The following DNAJC1 variants were observed in gnomAD, a reference collection of about 807,000 sequenced individuals.
DNAJC1 encodes the protein DnaJ heat shock protein family (Hsp40) member C1, also known as dnaJ homolog subfamily C member 1.
Under a neutral mutation model 76.6 loss-of-function variants are expected in DNAJC1, and 58 were observed. The ratio of observed to expected loss-of-function variants is 0.76; its 90% CI spans 0.61 to 0.94. The LOEUF (loss-of-function observed/expected upper bound fraction) is 0.94, where lower values mean the gene tolerates loss of function less well. Among genes scored for constraint, DNAJC1 ranks in the 40% least tolerant of loss-of-function variants. DNAJC1 has a pLI of 0.00. For synonymous variants in DNAJC1, 258 were observed against 267.9 expected (o/e 0.96, Z 0.36); for missense variants, 689 against 677.3 (o/e 1.02, Z -0.19).
chr10:21,770,330 T>C lies in DNAJC1; in HGVS notation c.1099-4021A>G, dbSNP rs572469857. Among the ~76,000 whole-genome samples the C allele has an allele frequency of 4.6e-5, 7 of 152,222 alleles. No homozygotes were observed. The South Asian group carries it at 1.5e-3, about 32-fold the overall frequency. Reference sequence around the variant, plus strand: ...CTTGGAGGAATATCTATTCATATCCTGTATCCATTGCTTATGTGGGTCATT... The same window carrying C: ...CTTGGAGGAATATCTATTCATATCCCGTATCCATTGCTTATGTGGGTCATT... On this transcript the variant is annotated intron_variant, in intron 9 of 11. Transcript: ENST00000376980.
intron 8 of DNAJC1, among the ~76,000 whole-genome samples, chr10:21,828,370 C>T (rs1473119901): frequency 2.0e-5 from 3 of 152,100 alleles, no homozygotes; most frequent in African/African-American, 7.2e-5. Flanking sequence ...ATTTACAAGC[C>T]AGATATCCAG....
At chr10:21,795,621 C>T (rs941391916) in intron 9 of DNAJC1, among the ~76,000 whole-genome samples, 4 of 152,064 alleles carry the variant, frequency 2.6e-5, no homozygotes, top group African/African-American at 4.8e-5. Flanking sequence ...TGGATTGTGG[C>T]GATTTCACAA....
intron 9 of DNAJC1, among the ~76,000 whole-genome samples, chr10:21,788,247 C>T (rs1436644587): frequency 6.6e-6 from 1 of 152,254 alleles, no homozygotes; most frequent in Non-Finnish European, 1.5e-5. Context: ...TGCACTGCCT[C>T]CGCTGGAAAG....
chr10:21,758,052 G>T (rs1834196369), intron 11 of DNAJC1, among the ~76,000 whole-genome samples: 1 of 152,196 alleles, frequency 6.6e-6, no homozygotes, highest in Non-Finnish European at 1.5e-5. Flanking sequence ...GAGGCTGGGA[G>T]AATCTGCGCT....
At chr10:21,841,104 A>C (rs1375260728) in intron 8 of DNAJC1, among the ~76,000 whole-genome samples, 1 of 152,240 alleles carries the variant, frequency 6.6e-6, no homozygotes, top group Non-Finnish European at 1.5e-5. Flanking sequence ...ACATTAATTC[A>C]AGATGGATTA....
At chr10:21,934,511 G>A (rs1837280497) in intron 1 of DNAJC1, among the ~76,000 whole-genome samples, 1 of 152,066 alleles carries the variant, frequency 6.6e-6, no homozygotes, top group Admixed American at 6.5e-5. Flanking sequence ...CTCACCCAGA[G>A]CAACTTCCAC....
rs1169132227 is a variant in DNAJC1 at position 21,882,390 on chromosome 10, A to G, written c.870T>C (p.Pro290=). ...KPKPEFPVYT[P]LETTYIQSYD... is the part of the protein sequence containing the mutation. ...AAGACTGAATATATGTAGTTTCTAAAGGTGTGTATACAGGAAATTCAGGTT... is the reference window on the plus strand; with the variant it reads ...AAGACTGAATATATGTAGTTTCTAAGGGTGTGTATACAGGAAATTCAGGTT... The change falls in exon 8 of 12, where the codon CCT becomes CCC. Residue 290 remains proline (P), a synonymous_variant. Coordinates refer to ENST00000376980, the MANE Select transcript of DNAJC1 (RefSeq NM_022365.4). The G allele has an allele frequency of 3.2e-6, 5 of 1,577,554 alleles. No individual in the cohort carries two copies. Among genetic ancestry groups the G allele is most frequent in the Admixed American group, 1.9e-5 (1 of 52,136 alleles).
chr10:21,934,754 C>T (rs1326527241), intron 1 of DNAJC1, among the ~76,000 whole-genome samples: 1 of 152,188 alleles, frequency 6.6e-6, no homozygotes, highest in Non-Finnish European at 1.5e-5. Flanking sequence ...TATAAATACA[C>T]TGTGATATTC....
chr10:21,959,295 T>G lies in DNAJC1; in HGVS notation c.223-30154A>C, dbSNP rs1837746866. 2.0e-5 allele frequency among the ~76,000 whole-genome samples: 3 copies of G among 151,734 alleles called. No individual in the cohort carries two copies. The South Asian group carries it at 6.3e-4, about 32-fold the overall frequency. On this transcript the variant is annotated intron_variant, in intron 1 of 11. Transcript: ENST00000376980. ...GTCTGCCACCAGGCCCGGCTAATTT[T>G]TTTTGTATTTTTAATAGAGACGGGG... is the stretch of plus-strand genomic sequence containing the variant.
intron 8 of DNAJC1, among the ~76,000 whole-genome samples, chr10:21,854,974 T>C (rs1231385691): frequency 1.3e-5 from 2 of 152,092 alleles, no homozygotes; most frequent in African/African-American, 4.8e-5. Flanking sequence ...AAGATAACAT[T>C]AGAGAGTATT....
At chr10:21,830,957 A>C (rs1835348323) in intron 8 of DNAJC1, among the ~76,000 whole-genome samples, 1 of 152,044 alleles carries the variant, frequency 6.6e-6, no homozygotes, top group African/African-American at 2.4e-5. Flanking sequence ...TATCTCTTTA[A>C]TCATTATAGA....
chr10:21,759,612 A>C lies in DNAJC1; in HGVS notation c.1154T>G (p.Val385Gly), dbSNP rs575885547. ...TGTCGATTTGAGTTCGGAGAGTCTA[A>C]CCATTCCTAGGAAAGAGGGTGTGCC... Reference protein sequence around the residue: ...KDSVTCSPGMVRLSELKSTVQ... With the variant: ...KDSVTCSPGMGRLSELKSTVQ... The change falls in exon 11 of 12, where the codon GTT becomes GGT. Residue 385 changes from valine (V) to glycine (G), a missense_variant. Val to Gly is a moderately radical substitution (Grantham distance 109). Coordinates refer to ENST00000376980, the MANE Select transcript of DNAJC1 (RefSeq NM_022365.4). 6 of 1,612,648 alleles carry C rather than the reference A, an allele frequency of 3.7e-6. No individual in the cohort carries two copies. In the South Asian group the frequency reaches 4.4e-5, roughly 12 times the overall value.
chr10:21,853,727 G>A (rs890193189), intron 8 of DNAJC1, among the ~76,000 whole-genome samples: 2 of 143,008 alleles, frequency 1.4e-5, no homozygotes, highest in Non-Finnish European at 3.0e-5. Flanking sequence ...CCAGGAGGCA[G>A]TGGTTGCAGT....
At chr10:21,946,046 CCT>C (rs1317564521) in intron 1 of DNAJC1, among the ~76,000 whole-genome samples, 2 of 129,962 alleles carry the variant, frequency 1.5e-5, no homozygotes, top group African/African-American at 3.0e-5. Flanking sequence ...CCTTTCTTTT[CCT>C]CTTTTTTTTT....
chr10:21,840,705 C>T (rs1455156382), intron 8 of DNAJC1, among the ~76,000 whole-genome samples: 1 of 152,140 alleles, frequency 6.6e-6, no homozygotes, highest in Admixed American at 6.6e-5. Flanking sequence ...TCAGTGCCAT[C>T]CCCATCAAGC....
rs199910604 is a variant in DNAJC1, at chr10:22,000,332, T to A, written c.222+2881A>T. ...AGATCATTTTGAAATTCAAGTCAAA[T>A]CATGTATCTTTTCTGTTCAAACACC... On this transcript the variant is annotated intron_variant, in intron 1 of 11. Coordinates refer to ENST00000376980, the MANE Select transcript of DNAJC1 (RefSeq NM_022365.4). Among the ~76,000 whole-genome samples, 6 of 152,292 alleles carry A rather than the reference T, an allele frequency of 3.9e-5. No individual in the cohort carries two copies. In the East Asian group the frequency reaches 1.2e-3, roughly 29 times the overall value.
At chr10:21,941,268 C>CAAAAAAA (rs11435502) in intron 1 of DNAJC1, among the ~76,000 whole-genome samples, 1 of 43,656 alleles carries the variant, frequency 2.3e-5, no homozygotes, top group Admixed American at 3.6e-4. Flanking sequence ...GACACTGTCT[C>CAAAAAAA]AAAAAAAAAA....
intron 8 of DNAJC1, among the ~76,000 whole-genome samples, chr10:21,836,681 G>C (rs1000834246): frequency 2.0e-5 from 3 of 152,118 alleles, no homozygotes; most frequent in Non-Finnish European, 4.4e-5. Flanking sequence ...TGCAATCCTA[G>C]TCTCTGATAA....
At chr10:21,958,890 T>A (rs995065689) in intron 1 of DNAJC1, among the ~76,000 whole-genome samples, 1 of 152,154 alleles carries the variant, frequency 6.6e-6, no homozygotes, top group Non-Finnish European at 1.5e-5. Flanking sequence ...GTTCATTTGG[T>A]AAGAACATTT....
Sources: allele counts gnomAD v4.1 joint callset (sites outside exome capture counted in the v4.1 genomes callset), GRCh38; gene constraint gnomAD v4.1.1; transcripts MANE v1.5; gene names NCBI Gene and HGNC (gene_info 2026-07-23, HGNC 2026-07-21).